Variants in MAGI2 observed in about 807,000 individuals in gnomAD.
MAGI2 encodes membrane associated guanylate kinase, WW and PDZ domain containing 2.
In MAGI2, 35 loss-of-function variants were observed where a neutral mutation model predicts 133.3. The observed-to-expected ratio is 0.26, with a 90% confidence interval of 0.20 to 0.35. The LOEUF is 0.35. Ranked by LOEUF, MAGI2 falls within the 10% of genes least tolerant of loss-of-function variation. The pLI is 1.00. For missense variants in MAGI2, 1,636 were observed against 1,863.4 expected (o/e 0.88, Z 2.25); for synonymous variants, 729 against 710.6 (o/e 1.03, Z -0.41).
intron 9 of MAGI2, among the ~76,000 whole-genome samples, chr7:78,286,970 T>C (rs544920002): frequency 9.8e-5 from 15 of 152,290 alleles, no homozygotes; most frequent in Admixed American, 5.9e-4. Flanking sequence ...TACTGCGACA[T>C]AAGGCTGCAC....
At chr7:78,380,570 G>C (rs1794830971) in intron 6 of MAGI2, among the ~76,000 whole-genome samples, 1 of 152,222 alleles carries the variant, frequency 6.6e-6, no homozygotes, top group East Asian at 1.9e-4. Flanking sequence ...TGAATATATA[G>C]AGTAGAATGA....
intron 2 of MAGI2, among the ~76,000 whole-genome samples, chr7:78,645,637 T>TG (rs1341317519): frequency 3.2e-5 from 3 of 94,480 alleles, no homozygotes; most frequent in Non-Finnish European, 2.5e-5. Flanking sequence ...CAGATATAAG[T>TG]GTGGTGTGTG....
intron 2 of MAGI2, among the ~76,000 whole-genome samples, chr7:78,800,274 CT>C (rs1166801452): frequency 1.3e-5 from 2 of 152,058 alleles, no homozygotes; most frequent in Admixed American, 6.6e-5. Context: ...CTTATTTTTA[CT>C]GACAATTCAA....
At chr7:78,774,618 G>A (rs1825840835) in intron 2 of MAGI2, among the ~76,000 whole-genome samples, 1 of 152,160 alleles carries the variant, frequency 6.6e-6, no homozygotes, top group Admixed American at 6.5e-5. Context: ...TCCTTAGTTT[G>A]CCACTGATCT....
chr7:79,122,854 G>C (rs1395776605), intron 1 of MAGI2, among the ~76,000 whole-genome samples: 2 of 152,018 alleles, frequency 1.3e-5, no homozygotes, highest in African/African-American at 4.8e-5. Context: ...ACCATGCCCA[G>C]CTAATTTTTG....
At chr7:78,792,994 A>G (rs1171175486) in intron 2 of MAGI2, among the ~76,000 whole-genome samples, 1 of 152,220 alleles carries the variant, frequency 6.6e-6, no homozygotes, top group African/African-American at 2.4e-5. Context: ...CACATGCTAC[A>G]TTTCCCAATT....
chr7:79,019,395 A>G (rs1323653607), intron 1 of MAGI2, among the ~76,000 whole-genome samples: 1 of 152,042 alleles, frequency 6.6e-6, no homozygotes, highest in Non-Finnish European at 1.5e-5. Flanking sequence ...TTCAGCACTC[A>G]TTCTCTATCC....
chr7:79,271,771 T>C (rs1327467635), intron 1 of MAGI2, among the ~76,000 whole-genome samples: 1 of 151,858 alleles, frequency 6.6e-6, no homozygotes, highest in Non-Finnish European at 1.5e-5. Context: ...AACCAGATTT[T>C]ATATTAAGTT....
intron 5 of MAGI2, 63 bp from the exon 6 acceptor site, chr7:78,489,903 A>AT: frequency 8.8e-7 from 1 of 1,139,344 alleles, no homozygotes; most frequent in Non-Finnish European, 1.2e-6. Context: ...TTATTCCTTA[A>AT]GAAAAAAAAA....
At chr7:78,162,524 CA>C (rs773765110) in intron 15 of MAGI2, among the ~76,000 whole-genome samples, 12 of 54,750 alleles carry the variant, frequency 2.2e-4, no homozygotes, top group Admixed American at 6.2e-4. Flanking sequence ...GACTCTGCCT[CA>C]AAAAAAAAAA....
chr7:78,081,678 T>C (rs888360760), intron 20 of MAGI2, among the ~76,000 whole-genome samples: 2 of 152,240 alleles, frequency 1.3e-5, no homozygotes, highest in Non-Finnish European at 2.9e-5. Context: ...TTTATTATAC[T>C]GTTCAGGAGT....
At chr7:78,370,071 G>A (rs1793767533) in intron 6 of MAGI2, among the ~76,000 whole-genome samples, 1 of 151,972 alleles carries the variant, frequency 6.6e-6, no homozygotes, top group Non-Finnish European at 1.5e-5. Flanking sequence ...ATATATTTCA[G>A]TGAAGTTTAA....
chr7:79,376,870 G>T (rs10268433), intron 1 of MAGI2, among the ~76,000 whole-genome samples: 3,205 of 150,732 alleles, frequency 0.021, 99 homozygotes, highest in African/African-American at 0.076. Flanking sequence ...CAACACAAGA[G>T]AAACATCAAA....
chr7:78,980,718 T>C (rs1333956696), intron 2 of MAGI2, among the ~76,000 whole-genome samples: 1 of 151,898 alleles, frequency 6.6e-6, no homozygotes, highest in Non-Finnish European at 1.5e-5. Flanking sequence ...TCCTCACATA[T>C]CTTGCAAACC....
At chr7:78,716,606 T>C (rs759823290) in intron 2 of MAGI2, among the ~76,000 whole-genome samples, 25 of 152,348 alleles carry the variant, frequency 1.6e-4, no homozygotes, top group South Asian at 4.1e-4. Flanking sequence ...ATCTTTCTCA[T>C]AATTCAGAAA....
chr7:78,186,347 C>T (rs1432386669), intron 12 of MAGI2, among the ~76,000 whole-genome samples: 1 of 152,116 alleles, frequency 6.6e-6, no homozygotes, highest in African/African-American at 2.4e-5. Flanking sequence ...TGGTTGCATA[C>T]TGGGTTCTGG....
chr7:79,088,435 T>C (rs986235769), intron 1 of MAGI2, among the ~76,000 whole-genome samples: 12 of 152,138 alleles, frequency 7.9e-5, no homozygotes, highest in Admixed American at 7.9e-4. Flanking sequence ...ATTTTCTAAA[T>C]ATACAATCAT....
intron 9 of MAGI2, among the ~76,000 whole-genome samples, chr7:78,284,815 T>C (rs1795983156): frequency 6.6e-6 from 1 of 152,094 alleles, no homozygotes; most frequent in Non-Finnish European, 1.5e-5. Flanking sequence ...TAGGAGAATC[T>C]TCCTCCCTCC....
intron 10 of MAGI2, among the ~76,000 whole-genome samples, chr7:78,207,147 T>C (rs1454854093): frequency 2.6e-5 from 4 of 152,188 alleles, no homozygotes; most frequent in African/African-American, 7.2e-5. Context: ...GGAGAGAGTT[T>C]TTTTTTCACA....
Sources: gnomAD v4.1 joint callset for allele counts (sites outside exome capture counted in the v4.1 genomes callset) on GRCh38, gnomAD v4.1.1 for gene constraint, MANE v1.5 for transcripts, NCBI Gene and HGNC (gene_info 2026-07-23, HGNC 2026-07-21) for gene names.